Variants in GPNMB observed in about 807,000 individuals in gnomAD.
GPNMB encodes the protein transmembrane glycoprotein NMB.
A neutral mutation model predicts 57.3 loss-of-function variants in GPNMB; 71 were observed. The observed-to-expected ratio is 1.24, with a 90% CI of 1.02 to 1.51. The LOEUF is 1.51. Among genes scored for constraint, GPNMB ranks in the 40% most tolerant of loss-of-function variants. GPNMB has a pLI of 0.00. For missense variants in GPNMB, 677 were observed against 691.9 expected (o/e 0.98, Z 0.24); for synonymous variants, 253 against 263.2 (o/e 0.96, Z 0.38).
chr7:23,257,730 AT>A (rs1261101566), intron 4 of GPNMB: 4 of 152,328 alleles, frequency 2.6e-5, no homozygotes, highest in Admixed American at 2.0e-4. Context: ...TCATTGATTG[AT>A]TCTTTAGTTT....
intron 1 of GPNMB, among the ~76,000 whole-genome samples, chr7:23,250,116 G>A (rs1782627172): frequency 1.3e-5 from 2 of 152,126 alleles, no homozygotes; most frequent in Non-Finnish European, 2.9e-5. Flanking sequence ...TTTTCTAATT[G>A]AATCCCGTGG....
chr7:23,273,635 C>G, intron 10 of GPNMB, 21 bp downstream of exon 10: 1 of 1,316,030 alleles, frequency 7.6e-7, no homozygotes. Context: ...GGTTCCTACG[C>G]TTTATATCAC....
intron 9 of GPNMB, among the ~76,000 whole-genome samples, chr7:23,270,685 G>A (rs963732581): frequency 6.6e-6 from 1 of 152,076 alleles, no homozygotes; most frequent in Admixed American, 6.6e-5. Flanking sequence ...AAACTCTACC[G>A]AGCATTACAG....
In GPNMB at chr7:23,266,182, C is replaced by T. The variant is rs555849046; in HGVS notation, c.1019-335C>T. 8 of 249,110 alleles carry T rather than the reference C, an allele frequency of 3.2e-5. No homozygotes were observed. In the Admixed American group the frequency reaches 3.6e-4, roughly 11 times the overall value. The allele number at this position is 249,110 out of a possible 1,614,324, so 15.4% of individuals were successfully genotyped here. On this transcript the variant is annotated intron_variant, in intron 6 of 10. Coordinates refer to ENST00000258733, the MANE Select transcript of GPNMB (RefSeq NM_002510.3). Reference sequence around the variant, plus strand: ...GTCAGGATGGGCTCGATCTCCTGACCTCATGATCTGCCCCCCTCGGCCTCC... The same window carrying T: ...GTCAGGATGGGCTCGATCTCCTGACTTCATGATCTGCCCCCCTCGGCCTCC...
Position 23,260,720 on chromosome 7 carries a change from C to G in GPNMB, c.965C>G (p.Pro322Arg). 6.3e-7 allele frequency: 1 copy of G among 1,597,642 alleles called. No individual in the cohort carries two copies. Among genetic ancestry groups the G allele is most frequent in the East Asian group, 2.2e-5 (1 of 44,460 alleles). ...NLTVKAAAPG[P>R]CPPPPPPPRP... ...ACTGTGAAAGCTGCAGCACCAGGAC[C>G]TTGTCCGCCACCGCCACCACCACCC... Residue 322 changes from proline (P) to arginine (R), a missense_variant, in exon 6 of 11, where the codon CCT becomes CGT. Physicochemically the swap from Pro to Arg is moderately radical, Grantham distance 103. Coordinates refer to ENST00000258733, the MANE Select transcript of GPNMB (RefSeq NM_002510.3).
Position 23,263,466 on chromosome 7 carries a change from G to A in GPNMB, c.1018+2693G>A, listed in dbSNP as rs112326850. ...GTCTCTACCGAAAATATAAAAATTA[G>A]CCGGGTGTGGTGGAGAGTGTCTGTA... On this transcript the variant is annotated intron_variant, in intron 6 of 10. Coordinates refer to ENST00000258733, the MANE Select transcript of GPNMB (RefSeq NM_002510.3). Among the ~76,000 whole-genome samples the A allele has an allele frequency of 4.5e-3, 683 of 152,070 alleles. 6 individuals carry two copies. Among genetic ancestry groups the A allele is most frequent in the African/African-American group, 0.015 (638 of 41,496 alleles).
chr7:23,259,874 C>T, intron 4 of GPNMB, 106 bp from the exon 5 acceptor site: 2 of 1,012,068 alleles, frequency 2.0e-6, no homozygotes, highest in Non-Finnish European at 3.0e-6. Flanking sequence ...TCCTATTTTC[C>T]CTCCTCAGAG....
chr7:23,249,448 C>T (rs1782612755), intron 1 of GPNMB, among the ~76,000 whole-genome samples: 1 of 152,226 alleles, frequency 6.6e-6, no homozygotes, highest in Non-Finnish European at 1.5e-5. Flanking sequence ...GCCAAATCTA[C>T]TTCCCTCTTT....
chr7:23,250,945 A>G (rs1782646506), intron 1 of GPNMB: 1 of 152,230 alleles, frequency 6.6e-6, no homozygotes, highest in South Asian at 2.1e-4. Context: ...AGTTCTTTTC[A>G]TATGACTCAA....
intron 9 of GPNMB, among the ~76,000 whole-genome samples, chr7:23,272,387 C>A (rs997149232): frequency 6.6e-6 from 1 of 152,036 alleles, no homozygotes; most frequent in African/African-American, 2.4e-5. Context: ...CCCAGCTACT[C>A]AGGAGGCTGG....
intron 8 of GPNMB, among the ~76,000 whole-genome samples, chr7:23,268,979 C>T (rs1050590190): frequency 3.9e-5 from 6 of 152,178 alleles, no homozygotes; most frequent in Non-Finnish European, 7.3e-5. Context: ...TGAGTCAAAC[C>T]TCTTCTGTTC....
chr7:23,269,813 A>C (rs960688184), intron 8 of GPNMB, among the ~76,000 whole-genome samples, 154 bp from the exon 9 acceptor site: 1 of 152,254 alleles, frequency 6.6e-6, no homozygotes, highest in African/African-American at 2.4e-5. Flanking sequence ...GCAGATTATA[A>C]GACTAACAAT....
At chr7:23,260,245 T>C in intron 5 of GPNMB, 107 bp downstream of exon 5, 3 of 1,188,846 alleles carry the variant, frequency 2.5e-6, no homozygotes, top group Non-Finnish European at 3.7e-6. Flanking sequence ...ACAATGCATC[T>C]GGCCCACCTA....
At chr7:23,257,193 T>A in intron 4 of GPNMB, 128 bp downstream of exon 4, 1 of 848,596 alleles carries the variant, frequency 1.2e-6, no homozygotes, top group Non-Finnish European at 2.0e-6. Flanking sequence ...TAACTTTCCT[T>A]AGCATGAGTG....
chr7:23,258,331 A>C (rs1245512842), intron 4 of GPNMB, among the ~76,000 whole-genome samples: 1 of 152,262 alleles, frequency 6.6e-6, no homozygotes, highest in African/African-American at 2.4e-5. Context: ...TTAACAATAC[A>C]TACCCATTGA....
At chr7:23,247,989 A>G (rs1415342123) in intron 1 of GPNMB, 2 of 152,140 alleles carry the variant, frequency 1.3e-5, no homozygotes, top group Non-Finnish European at 2.9e-5. Context: ...CAAGCCACAC[A>G]GCGGGTAAGT....
At chr7:23,260,826 T>A in intron 6 of GPNMB, 53 bp downstream of exon 6, 1 of 1,308,966 alleles carries the variant, frequency 7.6e-7, no homozygotes, top group Admixed American at 2.4e-5. Flanking sequence ...TAACAAAATA[T>A]TCACGCAGGT....
intron 6 of GPNMB, among the ~76,000 whole-genome samples, chr7:23,264,824 C>T (rs772722851): frequency 5.3e-5 from 8 of 152,124 alleles, no homozygotes; most frequent in African/African-American, 1.2e-4. Context: ...TATGCAGGGT[C>T]GTGATTCCAT....
In GPNMB at chr7:23,260,667, G is replaced by A; in HGVS notation, c.912G>A (p.Val304=). Residue 304 remains valine, a synonymous_variant, in exon 6 of 11, where the codon GTG becomes GTA. Coordinates refer to ENST00000258733, the MANE Select transcript of GPNMB (RefSeq NM_002510.3). ...ATCATACTGTGAATCACACGTATGT[G>A]CTCAATGGAACCTTCAGCCTTAACC... is the stretch of plus-strand genomic sequence containing the variant. ...STNHTVNHTY[V]LNGTFSLNLT... is the part of the protein sequence containing the mutation. The A allele has an allele frequency of 1.2e-6, 2 of 1,613,684 alleles. No individual in the cohort carries two copies. The highest frequency in any genetic ancestry group is 1.7e-6 in the Non-Finnish European group (2 of 1,179,698).
Sources: gnomAD v4.1 joint callset for allele counts (sites outside exome capture counted in the v4.1 genomes callset) on GRCh38, gnomAD v4.1.1 for gene constraint, MANE v1.5 for transcripts, NCBI Gene and HGNC (gene_info 2026-07-23, HGNC 2026-07-21) for gene names.